The following TMEFF2 variants were observed in gnomAD, a reference collection of about 807,000 sequenced individuals.
The protein encoded by TMEFF2 is transmembrane protein with EGF like and two follistatin like domains 2, also known as tomoregulin-2.
TMEFF2 carries 28 observed loss-of-function variants against 53.8 expected under a neutral mutation model. That is an observed-to-expected ratio of 0.52 (90% CI 0.39 to 0.71). The LOEUF (loss-of-function observed/expected upper bound fraction) is 0.71, where lower values mean the gene tolerates loss of function less well. Among genes scored for constraint, TMEFF2 ranks in the 30% least tolerant of loss-of-function variants. The pLI, the probability that TMEFF2 is intolerant of heterozygous loss-of-function variation, is 0.00. For missense variants in TMEFF2, 353 were observed against 455.2 expected (o/e 0.78, Z 2.04); for synonymous variants, 162 against 166.3 (o/e 0.97, Z 0.20).
intron 5 of TMEFF2, among the ~76,000 whole-genome samples, chr2:192,019,219 A>AT (rs1019828385): frequency 2.6e-5 from 4 of 150,976 alleles, no homozygotes; most frequent in Non-Finnish European, 4.4e-5. Context: ...GAAGTAGGCT[A>AT]TTTTTTTTTA....
Position 192,012,537 on chromosome 2 carries a change from A to G in TMEFF2, c.537-13329T>C, listed in dbSNP as rs114938739. ...TCATTATTCATCCAAATGTTGTATT[A>G]GCTAGGGGCCCCTTCACAGGAGTTG... is the stretch of plus-strand genomic sequence containing the variant. On this transcript the variant is annotated intron_variant, in intron 5 of 9. Coordinates refer to ENST00000272771, the MANE Select transcript of TMEFF2 (RefSeq NM_016192.4). Among the ~76,000 whole-genome samples the G allele has an allele frequency of 2.7e-3, 418 of 152,322 alleles. 1 individual carries two copies. Among genetic ancestry groups the G allele is most frequent in the Middle Eastern group, 6.8e-3 (2 of 294 alleles).
chr2:191,990,285 T>C (rs1003189584), intron 7 of TMEFF2, among the ~76,000 whole-genome samples: 6 of 152,188 alleles, frequency 3.9e-5, no homozygotes, highest in Non-Finnish European at 8.8e-5. Flanking sequence ...TTTTAGTTGA[T>C]AATGTTTATA....
intron 4 of TMEFF2, among the ~76,000 whole-genome samples, chr2:192,171,203 CA>C (rs1302769843): frequency 2.0e-5 from 3 of 151,982 alleles, no homozygotes; most frequent in African/African-American, 7.2e-5. Flanking sequence ...TTGACTACAG[CA>C]AAACCTAGGA....
chr2:192,020,789 C>A (rs1314906207), intron 5 of TMEFF2, among the ~76,000 whole-genome samples: 1 of 152,084 alleles, frequency 6.6e-6, no homozygotes, highest in Non-Finnish European at 1.5e-5. Flanking sequence ...ATAGTAAAAG[C>A]ATTCCATTTC....
intron 4 of TMEFF2, among the ~76,000 whole-genome samples, chr2:192,124,297 A>G (rs1455814497): frequency 6.6e-6 from 1 of 152,228 alleles, no homozygotes; most frequent in East Asian, 1.9e-4. Context: ...TTCATGCTCT[A>G]TTCAATTTAT....
At chr2:192,001,794 A>G (rs141976733) in intron 5 of TMEFF2, among the ~76,000 whole-genome samples, 2,546 of 152,204 alleles carry the variant, frequency 0.017, 76 homozygotes, top group African/African-American at 0.057. Flanking sequence ...CTCCCTACCC[A>G]CGTGGAACTG....
chr2:192,147,084 A>C (rs996881683), intron 4 of TMEFF2, among the ~76,000 whole-genome samples: 6 of 151,960 alleles, frequency 3.9e-5, no homozygotes, highest in African/African-American at 1.2e-4. Flanking sequence ...TTCTTGGGTC[A>C]CTCTTCTTTT....
intron 4 of TMEFF2, among the ~76,000 whole-genome samples, chr2:192,155,439 C>A (rs1690485096): frequency 6.6e-6 from 1 of 151,778 alleles, no homozygotes; most frequent in South Asian, 2.1e-4. Flanking sequence ...AACTGTAATT[C>A]TAAAGTATTA....
chr2:191,982,824 A>G (rs568186663), intron 7 of TMEFF2, among the ~76,000 whole-genome samples: 1 of 152,260 alleles, frequency 6.6e-6, no homozygotes, highest in South Asian at 2.1e-4. Flanking sequence ...CTTAATTTTA[A>G]AAGTTTTGTT....
At position 192,096,480 on chromosome 2, in the gene TMEFF2, TACAA is replaced by T. The variant is rs370787914; in HGVS notation, c.440-38709_440-38706del. ...ATTTTTTCAATTAATCCTTTATGCC[TACAA>T]ACAATTTTGTTTTACAAATGAACCC... On this transcript the variant is annotated intron_variant, in intron 4 of 9. Coordinates refer to ENST00000272771, the MANE Select transcript of TMEFF2 (RefSeq NM_016192.4). 1.3e-3 allele frequency among the ~76,000 whole-genome samples: 203 copies of T among 152,256 alleles called. 1 individual carries two copies. The highest frequency in any genetic ancestry group is 2.8e-3 in the African/African-American group (117 of 41,552).
intron 4 of TMEFF2, among the ~76,000 whole-genome samples, chr2:192,066,687 C>A (rs190819429): frequency 9.2e-5 from 14 of 151,586 alleles, no homozygotes; most frequent in Admixed American, 2.6e-4. Context: ...ACTGAAGATA[C>A]TAAGTTCATT....
chr2:192,151,043 G>A (rs1217075002), intron 4 of TMEFF2, among the ~76,000 whole-genome samples: 1 of 151,736 alleles, frequency 6.6e-6, no homozygotes, highest in Non-Finnish European at 1.5e-5. Context: ...TTTCCCCCAT[G>A]CTGTTCTCAA....
At chr2:191,965,006 TA>T (rs1043509460) in intron 7 of TMEFF2, among the ~76,000 whole-genome samples, 104 of 152,272 alleles carry the variant, frequency 6.8e-4, no homozygotes, top group African/African-American at 2.4e-3. Flanking sequence ...TAAATGTTGA[TA>T]CTTCCCTAAG....
intron 4 of TMEFF2, among the ~76,000 whole-genome samples, chr2:192,074,828 G>C (rs1017731690): frequency 6.6e-6 from 1 of 151,800 alleles, no homozygotes; most frequent in Non-Finnish European, 1.5e-5. Flanking sequence ...GGGCTTTTTA[G>C]AGCCTTTCAG....
intron 5 of TMEFF2, among the ~76,000 whole-genome samples, chr2:192,011,445 A>C (rs1046507008): frequency 6.6e-6 from 1 of 152,216 alleles, no homozygotes; most frequent in Non-Finnish European, 1.5e-5. Flanking sequence ...GGGTGGTAGG[A>C]AGACAAGAAT....
intron 4 of TMEFF2, among the ~76,000 whole-genome samples, chr2:192,074,234 G>A (rs1048227981): frequency 1.3e-5 from 2 of 151,990 alleles, no homozygotes; most frequent in African/African-American, 4.8e-5. Flanking sequence ...TTAGTTCTGA[G>A]AAGGTTTGAC....
intron 7 of TMEFF2, among the ~76,000 whole-genome samples, chr2:191,984,941 A>T (rs1685941919): frequency 6.6e-6 from 1 of 152,120 alleles, no homozygotes; most frequent in African/African-American, 2.4e-5. Context: ...TACCCAGTTA[A>T]TATACTGATA....
intron 3 of TMEFF2, among the ~76,000 whole-genome samples, chr2:192,180,596 G>A (rs753031052): frequency 6.6e-6 from 1 of 151,672 alleles, no homozygotes; most frequent in South Asian, 2.1e-4. Context: ...TCTGCCTGAT[G>A]TGCCCTTATT....
intron 4 of TMEFF2, among the ~76,000 whole-genome samples, chr2:192,062,200 C>T (rs1055212029): frequency 6.6e-6 from 1 of 152,038 alleles, no homozygotes; most frequent in Admixed American, 6.6e-5. Context: ...TGTCTGTCAC[C>T]ACAGATTAGT....
Sources: gnomAD v4.1 joint callset for allele counts (sites outside exome capture counted in the v4.1 genomes callset) on GRCh38, gnomAD v4.1.1 for gene constraint, MANE v1.5 for transcripts, NCBI Gene and HGNC (gene_info 2026-07-23, HGNC 2026-07-21) for gene names.